SYN3: variants seen among roughly 807,000 people sequenced by gnomAD.
The protein encoded by SYN3 is synapsin III.
SYN3 carries 35 observed loss-of-function variants against 65.8 expected under a neutral mutation model. The observed-to-expected ratio is 0.53, with a 90% CI of 0.41 to 0.70. The LOEUF is 0.70. Ranked by LOEUF, SYN3 falls within the 30% of genes least tolerant of loss-of-function variation. The pLI, the probability that SYN3 is intolerant of heterozygous loss-of-function variation, is 0.00. For synonymous variants in SYN3, 270 were observed against 292.9 expected (o/e 0.92, Z 0.80); for missense variants, 680 against 749.0 (o/e 0.91, Z 1.08).
In SYN3 at chr22:32,945,336, A is replaced by G. The variant is rs565858864; in HGVS notation, c.370-13855T>C. ...CAAAACAGCATGGTACTGGTACCAA[A>G]ACAGAGATATAGACCAATGGAACAG... On this transcript the variant is annotated intron_variant, in intron 3 of 13. Coordinates refer to ENST00000358763, the MANE Select transcript of SYN3 (RefSeq NM_003490.4). Among the ~76,000 whole-genome samples the G allele has an allele frequency of 5.3e-5, 8 of 152,346 alleles. No individual in the cohort carries two copies. In the East Asian group the frequency reaches 1.3e-3, roughly 26 times the overall value.
chr22:32,957,275 T>C (rs2051495377), intron 3 of SYN3, among the ~76,000 whole-genome samples: 1 of 152,282 alleles, frequency 6.6e-6, no homozygotes, highest in African/African-American at 2.4e-5. Flanking sequence ...GTAAATGCAG[T>C]GAAAGGAGAT....
intron 7 of SYN3, among the ~76,000 whole-genome samples, chr22:32,593,804 G>A (rs769248220): frequency 8.5e-5 from 13 of 152,194 alleles, no homozygotes; most frequent in Non-Finnish European, 2.9e-5. Context: ...AGCTGAGGTA[G>A]CTGACAAGAG....
At position 32,961,998 on chromosome 22, in the gene SYN3, G is replaced by A. The variant is rs73881920; in HGVS notation, c.369+18647C>T. On this transcript the variant is annotated intron_variant, in intron 3 of 13. Coordinates refer to ENST00000358763, the MANE Select transcript of SYN3 (RefSeq NM_003490.4). ...CCTTGTCCATCTGATCCCGGGTACAGCTCTGTCCATCAAACCAAAGTGTCT... is the reference window on the plus strand; with the variant it reads ...CCTTGTCCATCTGATCCCGGGTACAACTCTGTCCATCAAACCAAAGTGTCT... Among the ~76,000 whole-genome samples, 1,501 of 152,196 alleles carry A rather than the reference G, an allele frequency of 9.9e-3. 28 individuals carry two copies. Among genetic ancestry groups the A allele is most frequent in the African/African-American group, 0.034 (1,423 of 41,534 alleles).
chr22:32,709,783 T>G (rs1476338440), intron 6 of SYN3, among the ~76,000 whole-genome samples: 1 of 152,132 alleles, frequency 6.6e-6, no homozygotes, highest in African/African-American at 2.4e-5. Context: ...CTATCTTATC[T>G]TCTGCTTTAG....
chr22:32,686,195 T>C (rs2147133143), intron 6 of SYN3, among the ~76,000 whole-genome samples: 1 of 152,280 alleles, frequency 6.6e-6, no homozygotes, highest in African/African-American at 2.4e-5. Context: ...TTTGAGTTAC[T>C]CTCTTATCAT....
intron 6 of SYN3, among the ~76,000 whole-genome samples, chr22:32,838,263 G>A (rs188556175): frequency 6.6e-6 from 1 of 152,076 alleles, no homozygotes. Flanking sequence ...AAGGAGGGGG[G>A]GTGGCAAAAT....
chr22:32,552,452 G>A (rs1481196415), intron 7 of SYN3, among the ~76,000 whole-genome samples: 1 of 146,380 alleles, frequency 6.8e-6, no homozygotes, highest in Admixed American at 6.8e-5. Flanking sequence ...TTTTTAGTGT[G>A]AGGCTAAAGG....
In SYN3 at chr22:33,043,951, G is replaced by A. The variant is rs536257712; in HGVS notation, c.-163+14341C>T. 1.1e-4 allele frequency among the ~76,000 whole-genome samples: 16 copies of A among 152,220 alleles called. No individual in the cohort carries two copies. The East Asian group carries it at 1.7e-3, about 17-fold the overall frequency. ...ACCTGTAGTCCCAGCTACTCGGGTG[G>A]CTGAGGCAGGAGAATCGCTTCAACC... On this transcript the variant is annotated intron_variant, in intron 1 of 13. Transcript: ENST00000358763.
chr22:32,882,288 C>T (rs904052228), intron 4 of SYN3, among the ~76,000 whole-genome samples: 2 of 152,194 alleles, frequency 1.3e-5, no homozygotes, highest in African/African-American at 4.8e-5. Flanking sequence ...TATGTTCTAA[C>T]ATGGACTTTC....
At chr22:32,980,727 A>G (rs2052346780) in intron 2 of SYN3, 25 bp from the exon 3 acceptor site, 1 of 1,610,890 alleles carries the variant, frequency 6.2e-7, no homozygotes, top group Non-Finnish European at 8.5e-7. Context: ...AAATCAGCTG[A>G]GTAAGGATGC....
intron 6 of SYN3, among the ~76,000 whole-genome samples, chr22:32,828,474 C>T (rs2047478289): frequency 6.6e-6 from 1 of 152,154 alleles, no homozygotes; most frequent in Non-Finnish European, 1.5e-5. Context: ...TGCTGTGCAC[C>T]CAGGAAAGAA....
chr22:32,905,395 G>C (rs1479704446), intron 4 of SYN3, among the ~76,000 whole-genome samples: 1 of 152,180 alleles, frequency 6.6e-6, no homozygotes, highest in Non-Finnish European at 1.5e-5. Context: ...ATGTCCCAGA[G>C]CATAAGGCAA....
chr22:32,899,017 G>A (rs775328389), intron 4 of SYN3, among the ~76,000 whole-genome samples: 6 of 151,188 alleles, frequency 4.0e-5, no homozygotes, highest in Non-Finnish European at 5.9e-5. Context: ...CAGGAGAATC[G>A]CTTGAACCAG....
In SYN3 at chr22:32,590,252, A is replaced by C. The variant is rs958126464; in HGVS notation, c.774+6422T>G. On this transcript the variant is annotated intron_variant, in intron 7 of 13. Transcript: ENST00000358763. ...AAATATGTATATGAGTTAATGCTAT[A>C]GTTAAGTTTTCCTGGTTTTTAAATT... Among the ~76,000 whole-genome samples, 10 of 152,342 alleles carry C rather than the reference A, an allele frequency of 6.6e-5. No individual in the cohort carries two copies. The East Asian group carries it at 1.9e-3, about 29-fold the overall frequency.
chr22:32,843,723 C>A (rs11704023), intron 6 of SYN3, among the ~76,000 whole-genome samples: 12,779 of 152,184 alleles, frequency 0.084, 866 homozygotes, highest in African/African-American at 0.19. Flanking sequence ...GGCTTTTCTT[C>A]CTACCTAGAG....
At chr22:32,795,085 C>T (rs1434319060) in intron 6 of SYN3, among the ~76,000 whole-genome samples, 1 of 152,122 alleles carries the variant, frequency 6.6e-6, no homozygotes, top group Non-Finnish European at 1.5e-5. Flanking sequence ...ACCGTGGGGC[C>T]CTGGGGATGA....
At chr22:32,763,339 G>T (rs1034466350) in intron 6 of SYN3, among the ~76,000 whole-genome samples, 1 of 151,708 alleles carries the variant, frequency 6.6e-6, no homozygotes, top group Non-Finnish European at 1.5e-5. Flanking sequence ...ATTTAGTAGA[G>T]ATGGGGTTTT....
At chr22:32,745,951 A>C (rs1409889745) in intron 6 of SYN3, among the ~76,000 whole-genome samples, 1 of 152,204 alleles carries the variant, frequency 6.6e-6, no homozygotes, top group African/African-American at 2.4e-5. Context: ...AAAAGAGGAG[A>C]GGACAAGGAA....
At chr22:32,981,271 C>G (rs1320982815) in intron 2 of SYN3, among the ~76,000 whole-genome samples, 1 of 151,712 alleles carries the variant, frequency 6.6e-6, no homozygotes, top group African/African-American at 2.4e-5. Flanking sequence ...GTTTTAGCAT[C>G]TGTAAAATAA....
Sources: allele counts gnomAD v4.1 joint callset (sites outside exome capture counted in the v4.1 genomes callset), GRCh38; gene constraint gnomAD v4.1.1; transcripts MANE v1.5; gene names NCBI Gene and HGNC (gene_info 2026-07-23, HGNC 2026-07-21).